DBET: variants seen among roughly 807,000 people sequenced by gnomAD.
The protein encoded by DBET is D4Z4 binding element transcript (non-protein coding).
In DBET at chr4:190,065,887, G is replaced by T. The variant is rs1234322664; in HGVS notation, n.1386G>T. ...GCTGGAAGCACCCCTCAGCGAGGAAGAATACCGGGCTCTGCTGGAGGAGCT... is the reference window on the plus strand; with the variant it reads ...GCTGGAAGCACCCCTCAGCGAGGAATAATACCGGGCTCTGCTGGAGGAGCT... On this transcript the variant is annotated non_coding_transcript_exon_variant, in exon 1 of 1. Transcript: ENST00000630918. 4.2e-4 allele frequency: 45 copies of T among 107,098 alleles called. 2 individuals are homozygous for T. The highest frequency in any genetic ancestry group is 6.6e-4 in the South Asian group (18 of 27,290). The allele number at this position is 107,098 out of a possible 1,614,324, so 6.6% of individuals were successfully genotyped here. A position where few individuals can be genotyped will look rare whatever the true frequency, so the allele number is the denominator to read the frequency against.
exon 1 of DBET, chr4:190,065,616 C>T (rs1579773435): frequency 1.8e-5 from 1 of 54,544 alleles, no homozygotes; most frequent in Non-Finnish European, 2.9e-5. Flanking sequence ...CGTGGGAACC[C>T]CAAGCCGGGG....
At position 190,065,301 on chromosome 4, in the gene DBET, G is replaced by A. The variant is rs1553971504; in HGVS notation, n.800G>A. On this transcript the variant is annotated non_coding_transcript_exon_variant, in exon 1 of 1. Transcript: ENST00000630918. ...AGGGCCGCCCCCGCGCTGCAGCCCA[G>A]CCAGGCCGCGCCGGCAGAGGGGATC... 1.2e-5 allele frequency: 6 copies of A among 517,454 alleles called. No individual in the cohort carries two copies. In the East Asian group the frequency reaches 1.7e-4, roughly 14 times the overall value. The allele number at this position is 517,454 out of a possible 1,614,324, so 32.1% of individuals were successfully genotyped here.
chr4:190,065,058 T>G lies in DBET; in HGVS notation n.557T>G, dbSNP rs181012394. 1.1e-4 allele frequency: 50 copies of G among 438,922 alleles called. 10 individuals are homozygous for G. The Admixed American group carries it at 2.1e-3, about 18-fold the overall frequency. The allele number at this position is 438,922 out of a possible 1,614,324, so 27.2% of individuals were successfully genotyped here. A position where few individuals can be genotyped will look rare whatever the true frequency, so the allele number is the denominator to read the frequency against. On this transcript the variant is annotated non_coding_transcript_exon_variant, in exon 1 of 1. Coordinates refer to ENST00000630918, the Ensembl canonical transcript of DBET. ...AGTGCATTCGAACTCACAGGCAAAA[T>G]CCTCCCAGAATCTTGTGAGAACATA...
At chr4:190,065,046 T>C (rs797035595) in exon 1 of DBET, 1 of 436,650 alleles carries the variant, frequency 2.3e-6, no homozygotes, top group Middle Eastern at 5.6e-4. Context: ...GCATTCGAAC[T>C]CACAGGCAAA....
At position 190,065,174 on chromosome 4, in the gene DBET, C is replaced by A. The variant is rs1484298543; in HGVS notation, n.673C>A. The A allele has an allele frequency of 1.5e-5, 8 of 520,102 alleles. 2 individuals are homozygous for A. The highest frequency in any genetic ancestry group is 8.6e-5 in the African/African-American group (3 of 34,702). 32.2% of individuals were successfully genotyped at this position (520,102 alleles called of 1,614,324 possible). A position where few individuals can be genotyped will look rare whatever the true frequency, so the allele number is the denominator to read the frequency against. On this transcript the variant is annotated non_coding_transcript_exon_variant, in exon 1 of 1. Transcript: ENST00000630918. ...CCTTGTCATGCCATTATTTATAAAT[C>A]TATTGTGCCTCAAGTCAGAAGTGTG...
exon 1 of DBET, chr4:190,065,156 A>C: frequency 2.0e-6 from 1 of 495,538 alleles, no homozygotes; most frequent in South Asian, 2.1e-5. Context: ...GACCCTTGTC[A>C]TGCCATTATT....
chr4:190,067,506 CTTCCCG>C (rs1740719080), exon 1 of DBET: 1 of 17,766 alleles, frequency 5.6e-5, no homozygotes, highest in East Asian at 2.7e-3. Flanking sequence ...CAGAGAGCGG[CTTCCCG>C]TTCCCGCGGG....
chr4:190,065,930 G>C (rs1483283126), exon 1 of DBET: 7 of 25,230 alleles, frequency 2.8e-4, no homozygotes, highest in African/African-American at 1.1e-3. Flanking sequence ...GCGGGGTTGG[G>C]ACGGGGTCGG....
exon 1 of DBET, chr4:190,065,042 G>A (rs1172861140): frequency 2.3e-6 from 1 of 429,574 alleles, no homozygotes; most frequent in Admixed American, 4.8e-5. Flanking sequence ...AAGTGCATTC[G>A]AACTCACAGG....
At chr4:190,067,659 A>AACCCC in exon 1 of DBET, 1 of 59,608 alleles carries the variant, frequency 1.7e-5, no homozygotes, top group Non-Finnish European at 3.9e-5. Flanking sequence ...CCCCCCCCCC[A>AACCCC]CCACCACCAC....
chr4:190,065,039 T>C (rs1398196276), exon 1 of DBET: 1 of 430,774 alleles, frequency 2.3e-6, no homozygotes, highest in South Asian at 2.9e-5. Context: ...TTAAAGTGCA[T>C]TCGAACTCAC....
chr4:190,065,285 C>A lies in DBET; in HGVS notation n.784C>A, dbSNP rs371049411. 2.7e-4 allele frequency: 147 copies of A among 547,962 alleles called. 3 individuals are homozygous for A. The East Asian group carries it at 4.0e-3, about 15-fold the overall frequency. 33.9% of individuals were successfully genotyped at this position (547,962 alleles called of 1,614,324 possible). On this transcript the variant is annotated non_coding_transcript_exon_variant, in exon 1 of 1. Coordinates refer to ENST00000630918, the Ensembl canonical transcript of DBET. ...CGTGAGCCAGGCAGCGAGGGCCGCC[C>A]CCGCGCTGCAGCCCAGCCAGGCCGC... is the stretch of plus-strand genomic sequence containing the variant.
At chr4:190,065,092 G>A in exon 1 of DBET, 1 of 463,916 alleles carries the variant, frequency 2.2e-6, no homozygotes, top group Non-Finnish European at 3.8e-6. Flanking sequence ...TAAATGATCT[G>A]ACTAGTTTGG....
At chr4:190,065,178 T>A in exon 1 of DBET, 1 of 531,514 alleles carries the variant, frequency 1.9e-6, no homozygotes, top group Non-Finnish European at 3.4e-6. Context: ...ATAAATCTAT[T>A]GTGCCTCAAG....
chr4:190,065,144 G>T (rs1220904888), exon 1 of DBET: 2 of 483,278 alleles, frequency 4.1e-6, no homozygotes, highest in South Asian at 2.2e-5. Flanking sequence ...CACACTTCTG[G>T]AGACCCTTGT....
chr4:190,065,007 T>G lies in DBET; in HGVS notation n.506T>G. On this transcript the variant is annotated non_coding_transcript_exon_variant, in exon 1 of 1. Transcript: ENST00000630918. ...ATTCTACTCTGCAATCCCCTAAGGCTTTTTCTCTCCCTCCCAGAATCTTAA... is the reference window on the plus strand; with the variant it reads ...ATTCTACTCTGCAATCCCCTAAGGCGTTTTCTCTCCCTCCCAGAATCTTAA... 4.9e-6 allele frequency: 2 copies of G among 410,050 alleles called. 1 individual carries two copies. The highest frequency in any genetic ancestry group is 8.7e-6 in the Non-Finnish European group (2 of 230,376). The allele number at this position is 410,050 out of a possible 1,614,324, so 25.4% of individuals were successfully genotyped here.
At position 190,065,107 on chromosome 4, in the gene DBET, G is replaced by T. The variant is rs797037220; in HGVS notation, n.606G>T. On this transcript the variant is annotated non_coding_transcript_exon_variant, in exon 1 of 1. Transcript: ENST00000630918. ...TAAATGATCTGACTAGTTTGGCATT[G>T]CTTTTGGGGATCTGGGAAAATCTGT... is the stretch of plus-strand genomic sequence containing the variant. The T allele has an allele frequency of 4.3e-6, 2 of 465,160 alleles. 1 individual carries two copies. Among genetic ancestry groups the T allele is most frequent in the African/African-American group, 5.6e-5 (2 of 35,912 alleles). The allele number at this position is 465,160 out of a possible 1,614,324, so 28.8% of individuals were successfully genotyped here.
Position 190,064,971 on chromosome 4 carries a change from G to A in DBET, n.470G>A, listed in dbSNP as rs372716664. 1.1e-4 allele frequency: 37 copies of A among 333,688 alleles called. No individual in the cohort carries two copies. In the South Asian group the frequency reaches 1.7e-3, roughly 15 times the overall value. The allele number at this position is 333,688 out of a possible 1,614,324, so 20.7% of individuals were successfully genotyped here. A position where few individuals can be genotyped will look rare whatever the true frequency, so the allele number is the denominator to read the frequency against. ...TTGCTGTAACAGAGGAACATTTCCTGTCTTATGCTTATTCTACTCTGCAAT... is the reference window on the plus strand; with the variant it reads ...TTGCTGTAACAGAGGAACATTTCCTATCTTATGCTTATTCTACTCTGCAAT... On this transcript the variant is annotated non_coding_transcript_exon_variant, in exon 1 of 1. Transcript: ENST00000630918.
exon 1 of DBET, chr4:190,065,461 C>A: frequency 2.9e-6 from 1 of 340,608 alleles, no homozygotes; most frequent in Non-Finnish European, 4.9e-6. Flanking sequence ...GGACCCGCAG[C>A]GCGACGGCCT....
Sources: allele counts gnomAD v4.1 joint callset, GRCh38; gene constraint gnomAD v4.1.1; transcripts MANE v1.5; gene names NCBI Gene and HGNC (gene_info 2026-07-23, HGNC 2026-07-21).